Variants in OXSR1 observed in about 807,000 individuals in gnomAD.
OXSR1 encodes the protein serine/threonine-protein kinase OSR1.
OXSR1 carries 24 observed loss-of-function variants against 79.8 expected under a neutral mutation model. The ratio of observed to expected loss-of-function variants is 0.30; its 90% CI spans 0.22 to 0.42. The LOEUF (loss-of-function observed/expected upper bound fraction) is 0.42, where lower values mean the gene tolerates loss of function less well. Among genes scored for constraint, OXSR1 ranks in the 10% least tolerant of loss-of-function variants. The pLI is 1.00. For missense variants in OXSR1, 430 were observed against 618.4 expected (o/e 0.70, Z 3.23); for synonymous variants, 226 against 209.2 (o/e 1.08, Z -0.69).
rs192636067 is a variant in OXSR1, at chr3:38,187,916, G to A, written c.184-2815G>A. 7.9e-5 allele frequency among the ~76,000 whole-genome samples: 12 copies of A among 152,126 alleles called. No homozygotes were observed. In the East Asian group the frequency reaches 2.3e-3, roughly 29 times the overall value. ...AGGAATTCACTTTATAGGTGGTTGA[G>A]GAAGCTGCTGGGTAATTTAAGTCAG... On this transcript the variant is annotated intron_variant, in intron 2 of 17. Transcript: ENST00000311806.
At chr3:38,252,605 G>A (rs951412484) in intron 17 of OXSR1, among the ~76,000 whole-genome samples, 1 of 151,928 alleles carries the variant, frequency 6.6e-6, no homozygotes, top group Admixed American at 6.6e-5. Context: ...GAGACCCTTG[G>A]CTATTCATAA....
intron 5 of OXSR1, among the ~76,000 whole-genome samples, chr3:38,220,022 G>A (rs907547679): frequency 1.3e-5 from 2 of 152,072 alleles, no homozygotes; most frequent in Non-Finnish European, 2.9e-5. Context: ...GCCCAGGCTG[G>A]TCTTGATCTC....
At position 38,183,050 on chromosome 3, in the gene OXSR1, A is replaced by G. The variant is rs1701816200; in HGVS notation, c.118A>G (p.Lys40Glu). 6.2e-7 allele frequency: 1 copy of G among 1,613,320 alleles called. No individual in the cohort carries two copies. Among genetic ancestry groups the G allele is most frequent in the African/African-American group, 1.3e-5 (1 of 74,922 alleles). ...CCAAGCAGCTTATTGTGCCCCTAAA[A>G]AGGAGAAAGTGGCAATCAAACGGAT... The part of the protein sequence containing the change: ...VVQAAYCAPK[K>E]EKVAIKRINL... The change falls in exon 2 of 18, where the codon AAG (lysine) becomes GAG (glutamate). Residue 40 changes from lysine (K) to glutamate (E), a missense_variant. By Grantham distance (56) the Lys-to-Glu change is moderately conservative (BLOSUM62 1). Transcript: ENST00000311806.
intron 13 of OXSR1, among the ~76,000 whole-genome samples, chr3:38,247,444 G>A (rs1426007605): frequency 1.3e-5 from 2 of 152,134 alleles, no homozygotes; most frequent in Non-Finnish European, 2.9e-5. Flanking sequence ...CTGGGCTTGA[G>A]AGTTTTCTTT....
chr3:38,203,513 T>TA (rs1459837752), intron 4 of OXSR1, among the ~76,000 whole-genome samples: 1 of 152,176 alleles, frequency 6.6e-6, no homozygotes, highest in Non-Finnish European at 1.5e-5. Context: ...CTGGTTAATT[T>TA]AAAAAAAATT....
Position 38,193,231 on chromosome 3 carries a change from T to C in OXSR1, c.292+2392T>C, listed in dbSNP as rs936986359. The C allele has an allele frequency of 3.1e-6, 4 of 1,275,692 alleles. No individual in the cohort carries two copies. In the African/African-American group the frequency reaches 6.1e-5, roughly 19 times the overall value. The allele number at this position is 1,275,692 out of a possible 1,614,324, so 79.0% of individuals were successfully genotyped here. Reference sequence around the variant, plus strand: ...ATTAATAGTAATAAGCCCTTGTTATTTGATGCTTTTCAGTGTAGCCAGAAT... The same window carrying C: ...ATTAATAGTAATAAGCCCTTGTTATCTGATGCTTTTCAGTGTAGCCAGAAT... On this transcript the variant is annotated intron_variant, in intron 3 of 17. Coordinates refer to ENST00000311806, the MANE Select transcript of OXSR1 (RefSeq NM_005109.3).
At chr3:38,226,054 A>G (rs1216111489) in intron 8 of OXSR1, among the ~76,000 whole-genome samples, 1 of 152,154 alleles carries the variant, frequency 6.6e-6, no homozygotes, top group East Asian at 1.9e-4. Context: ...TATGTTATCC[A>G]GGAACCCACA....
Position 38,165,659 on chromosome 3 carries a change from G to T in OXSR1, c.-218G>T. The T allele has an allele frequency of 1.9e-6, 1 of 530,710 alleles. No homozygotes were observed. Among genetic ancestry groups the T allele is most frequent in the Non-Finnish European group, 3.3e-6 (1 of 301,892 alleles). The allele number at this position is 530,710 out of a possible 1,614,324, so 32.9% of individuals were successfully genotyped here. On this transcript the variant is annotated 5_prime_UTR_variant, in exon 1 of 18. Coordinates refer to ENST00000311806, the MANE Select transcript of OXSR1 (RefSeq NM_005109.3). ...GGCTGGGCCGGGCAGTGCCGGACTC[G>T]GAGGAGCAGGAGGCGAGGTCCGCCG... is the stretch of plus-strand genomic sequence containing the variant.
chr3:38,240,891 C>G (rs900313845), intron 11 of OXSR1, among the ~76,000 whole-genome samples: 2 of 152,120 alleles, frequency 1.3e-5, no homozygotes, highest in African/African-American at 4.8e-5. Context: ...AGGAATGGTT[C>G]TTCATTGCGG....
At chr3:38,181,772 A>G (rs550770042) in intron 1 of OXSR1, among the ~76,000 whole-genome samples, 1 of 151,304 alleles carries the variant, frequency 6.6e-6, no homozygotes, top group Non-Finnish European at 1.5e-5. Flanking sequence ...TCGTGTGGTC[A>G]TCTTTTTTCT....
chr3:38,241,003 CA>C (rs1228162870), intron 11 of OXSR1, among the ~76,000 whole-genome samples: 1 of 152,010 alleles, frequency 6.6e-6, no homozygotes, highest in Non-Finnish European at 1.5e-5. Flanking sequence ...CAGGAATCAT[CA>C]ATGAAGCTAA....
At chr3:38,242,917 G>A (rs535761183) in intron 12 of OXSR1, 139 bp downstream of exon 12, 21 of 448,876 alleles carry the variant, frequency 4.7e-5, no homozygotes, top group East Asian at 4.1e-4. Flanking sequence ...AAAAGTTGGC[G>A]TAAGGGCTCA....
chr3:38,198,702 A>G lies in OXSR1; in HGVS notation c.293-20A>G, dbSNP rs1374110399. 1.9e-6 allele frequency: 3 copies of G among 1,594,626 alleles called. No individual in the cohort carries two copies. Among genetic ancestry groups the G allele is most frequent in the African/African-American group, 1.3e-5 (1 of 74,138 alleles). ...TGAATGATTTAGAGATTTTTAGAAA[A>G]TTATGTCTTCTGTTTTCAGGTTCTG... On this transcript the variant is annotated intron_variant, in intron 3 of 17. Coordinates refer to ENST00000311806, the MANE Select transcript of OXSR1 (RefSeq NM_005109.3).
intron 1 of OXSR1, among the ~76,000 whole-genome samples, chr3:38,182,136 C>G (rs1017623826): frequency 6.6e-6 from 1 of 152,188 alleles, no homozygotes; most frequent in East Asian, 1.9e-4. Flanking sequence ...ATTCAGTTTT[C>G]AGATCTCTTG....
rs116583944 is a variant in OXSR1, at chr3:38,178,094, G to A, written c.71-4909G>A. 9.5e-3 allele frequency among the ~76,000 whole-genome samples: 1,451 copies of A among 151,970 alleles called. 15 individuals are homozygous for A. The highest frequency in any genetic ancestry group is 0.014 in the Non-Finnish European group (957 of 67,966). On this transcript the variant is annotated intron_variant, in intron 1 of 17. Transcript: ENST00000311806. ...CTCCTGAGTAACGGGGATTACAGAT[G>A]TGTGCGACGACACCCAGCTAATTTT...
intron 4 of OXSR1, among the ~76,000 whole-genome samples, chr3:38,208,051 TG>T (rs1368735957): frequency 2.0e-5 from 3 of 151,534 alleles, no homozygotes; most frequent in Non-Finnish European, 4.4e-5. Flanking sequence ...GAATCAGAAC[TG>T]AGGTAATTAA....
At chr3:38,219,390 G>A (rs565447860) in intron 5 of OXSR1, among the ~76,000 whole-genome samples, 80 of 152,130 alleles carry the variant, frequency 5.3e-4, no homozygotes, top group Non-Finnish European at 9.3e-4. Context: ...ATATACATAA[G>A]TTGTTTGAGT....
chr3:38,205,056 C>CTGCGTTCTGCCTGGTGT (rs1702240645), intron 4 of OXSR1, among the ~76,000 whole-genome samples: 3 of 152,202 alleles, frequency 2.0e-5, no homozygotes, highest in Non-Finnish European at 4.4e-5. Context: ...TGGGTGCTGG[C>CTGCGTTCTGCCTGGTGT]TGCGTTCTGC....
intron 11 of OXSR1, among the ~76,000 whole-genome samples, chr3:38,241,470 A>G (rs1358302392): frequency 6.6e-6 from 1 of 152,184 alleles, no homozygotes. Context: ...GTATTATATC[A>G]TGTTAAATTT....
Sources: gnomAD v4.1 joint callset for allele counts (sites outside exome capture counted in the v4.1 genomes callset) on GRCh38, gnomAD v4.1.1 for gene constraint, MANE v1.5 for transcripts, NCBI Gene and HGNC (gene_info 2026-07-23, HGNC 2026-07-21) for gene names.